Variants in PNLDC1 observed in about 807,000 individuals in gnomAD.
The protein encoded by PNLDC1 is PARN like ribonuclease domain containing exonuclease 1, also known as poly(A)-specific ribonuclease PNLDC1.
A neutral mutation model predicts 82.0 loss-of-function variants in PNLDC1; 70 were observed. That is an observed-to-expected ratio of 0.85 (90% CI 0.70 to 1.04). The LOEUF (loss-of-function observed/expected upper bound fraction) is 1.04, where lower values mean the gene tolerates loss of function less well. Ranked by LOEUF, PNLDC1 falls within the 50% of genes least tolerant of loss-of-function variation. The pLI, the probability that PNLDC1 is intolerant of heterozygous loss-of-function variation, is 0.00. For missense variants in PNLDC1, 631 were observed against 661.1 expected, an observed-to-expected ratio of 0.95 and a Z score of 0.50; for synonymous variants, 280 against 249.3, an observed-to-expected ratio of 1.12 and a Z score of -1.16.
At position 159,819,816 on chromosome 6, in the gene PNLDC1, G is replaced by A. The variant is rs1488463951; in HGVS notation, c.1532+464G>A. ...AGTCAGGAGGTGCCCGGAGTGTCAC[G>A]GGGAGAGGCCATTGTGAGCAAAACA... On this transcript the variant is annotated intron_variant, in intron 18 of 18. Coordinates refer to ENST00000392167, the MANE Select transcript of PNLDC1 (RefSeq NM_001271862.2). The surrounding 1 kb of genome is among the most constrained non-coding windows in gnomAD (Gnocchi z 4.6). 3.3e-5 allele frequency among the ~76,000 whole-genome samples: 5 copies of A among 149,846 alleles called. No homozygotes were observed. In the South Asian group the frequency reaches 6.2e-4, roughly 19 times the overall value.
intron 6 of PNLDC1, 103 bp downstream of exon 6, chr6:159,804,740 A>T (rs1285693451): frequency 1.3e-6 from 1 of 796,822 alleles, no homozygotes; most frequent in Non-Finnish European, 2.0e-6. Context: ...ACCTCCATCC[A>T]TGCTTGGCGG....
At chr6:159,810,149 A>G (rs886132082) in intron 10 of PNLDC1, 54 bp downstream of exon 10, 22 of 1,505,710 alleles carry the variant, frequency 1.5e-5, no homozygotes, top group African/African-American at 1.1e-4. Flanking sequence ...CATCTGGCAG[A>G]GGGATTGGTA....
chr6:159,803,188 A>T, intron 3 of PNLDC1, 83 bp from the exon 4 acceptor site: 1 of 1,314,442 alleles, frequency 7.6e-7, no homozygotes, highest in Non-Finnish European at 1.1e-6. Flanking sequence ...GGCGCAAAGT[A>T]CTGTTTGAGT....
intron 8 of PNLDC1, 91 bp from the exon 9 acceptor site, chr6:159,808,924 C>G: frequency 1.3e-6 from 2 of 1,586,734 alleles, no homozygotes; most frequent in Non-Finnish European, 1.7e-6. Flanking sequence ...CTAGTTTTTC[C>G]CCCTTTCCTT....
chr6:159,819,026 G>A lies in PNLDC1; in HGVS notation c.1338G>A (p.Glu446=), dbSNP rs539717754. 1.4e-5 allele frequency: 22 copies of A among 1,614,044 alleles called. No homozygotes were observed. In the South Asian group the frequency reaches 2.2e-4, roughly 16 times the overall value. The part of the protein sequence containing the change: ...LSVKRWPGVS[E]QQVYHKFQNL... ...TCAAAAGGTGGCCTGGGGTCAGCGA[G>A]CAGCAAGTCTACCATAAGTTTCAGA... Residue 446 remains glutamate, a synonymous_variant, in exon 17 of 19, where the codon GAG becomes GAA. Transcript: ENST00000392167. This position sits in a 1 kb window ranked among gnomAD's most constrained non-coding sequence, Gnocchi z 4.6.
intron 7 of PNLDC1, among the ~76,000 whole-genome samples, chr6:159,808,249 A>G (rs746822321): frequency 2.0e-5 from 3 of 152,238 alleles, no homozygotes; most frequent in African/African-American, 4.8e-5. Context: ...AATGATCACA[A>G]CATATCAACA....
chr6:159,802,620 G>A (rs1214063168), intron 3 of PNLDC1, among the ~76,000 whole-genome samples: 2 of 152,146 alleles, frequency 1.3e-5, no homozygotes, highest in African/African-American at 4.8e-5. Flanking sequence ...TTGCTCTGTT[G>A]CCCAGGCTGG....
intron 7 of PNLDC1, among the ~76,000 whole-genome samples, chr6:159,807,245 GGTTT>G (rs1176493263): frequency 1.3e-5 from 2 of 152,110 alleles, no homozygotes; most frequent in African/African-American, 2.4e-5. Context: ...TAGACTTGAA[GGTTT>G]CACAATCATT....
Position 159,813,108 on chromosome 6 carries a change from G to T in PNLDC1, c.940-493G>T, listed in dbSNP as rs966295376. On this transcript the variant is annotated intron_variant, in intron 11 of 18. Transcript: ENST00000392167. The stretch of plus-strand genomic sequence containing the variant: ...AGCCTTAGAGTGATCCCTTACAAGT[G>T]AATTATCCAGCAAGGATGCCGCACA... 2.0e-5 allele frequency among the ~76,000 whole-genome samples: 3 copies of T among 152,206 alleles called. No homozygotes were observed. The East Asian group carries it at 5.8e-4, about 29-fold the overall frequency.
chr6:159,800,430 C>T, intron 1 of PNLDC1, 47 bp downstream of exon 1: 1 of 1,529,764 alleles, frequency 6.5e-7, no homozygotes, highest in Non-Finnish European at 8.8e-7. Flanking sequence ...GCCCCTTGCC[C>T]CGGGCGAGCT....
At chr6:159,806,169 T>G in intron 7 of PNLDC1, 86 bp downstream of exon 7, 1 of 1,041,824 alleles carries the variant, frequency 9.6e-7, no homozygotes, top group South Asian at 1.3e-5. Context: ...ACACCCTTTC[T>G]TGGGATCCTG....
intron 12 of PNLDC1, among the ~76,000 whole-genome samples, chr6:159,815,272 C>T (rs116832191): frequency 0.014 from 2,178 of 152,328 alleles, 59 homozygotes; most frequent in African/African-American, 0.05. Context: ...GCCTTGTGGC[C>T]TGCCCTCTTC....
In PNLDC1 at chr6:159,818,993, C is replaced by A. The variant is rs372971755; in HGVS notation, c.1305C>A (p.Ile435=). Residue 435 remains isoleucine (I), a synonymous_variant, in exon 17 of 19, where the codon ATC becomes ATA. Coordinates refer to ENST00000392167, the MANE Select transcript of PNLDC1 (RefSeq NM_001271862.2). ...CCAGTATCCGACCTCCCATCCTCAT[C>A]CTCAGCGTCAAAAGGTGGCCTGGGG... is the stretch of plus-strand genomic sequence containing the variant. ...DYPSIRPPIL[I]LSVKRWPGVS... 4.9e-5 allele frequency: 79 copies of A among 1,614,086 alleles called. No individual in the cohort carries two copies. The highest frequency in any genetic ancestry group is 1.8e-4 in the Admixed American group (11 of 60,012).
rs1402865042 is a variant in PNLDC1 at position 159,800,390 on chromosome 6, A to G, written c.76+7A>G. The G allele has an allele frequency of 1.3e-6, 2 of 1,547,576 alleles. No homozygotes were observed. The highest frequency in any genetic ancestry group is 1.7e-6 in the Non-Finnish European group (2 of 1,146,096). ...CAGGAGGCCGACTTCGTGGGTGAAG[A>G]GCCTGGGATTCGCGGCTGTGCCGGA... On this transcript the variant is annotated splice_region_variant and intron_variant, in intron 1 of 18. Coordinates refer to ENST00000392167, the MANE Select transcript of PNLDC1 (RefSeq NM_001271862.2).
At chr6:159,816,117 C>CCCACACCCCTCCCCACCCACCGG in intron 13 of PNLDC1, 84 bp downstream of exon 13, 1 of 1,028,542 alleles carries the variant, frequency 9.7e-7, no homozygotes, top group African/African-American at 1.9e-5. Context: ...CCCTGGTTCC[C>CCCACACCCCTCCCCACCCACCGG]CCACACCCCT....
At position 159,819,403 on chromosome 6, in the gene PNLDC1, G is replaced by A. The variant is rs146576463; in HGVS notation, c.1532+51G>A. On this transcript the variant is annotated intron_variant, in intron 18 of 18. Transcript: ENST00000392167. The surrounding 1 kb of genome is among the most constrained non-coding windows in gnomAD (Gnocchi z 4.6). ...CCTGTCCTGGGGTCCTGGAGTGCCC[G>A]GGGTCCCAGCATCCCAGCATGGTCT... 231 of 1,512,670 alleles carry A rather than the reference G, an allele frequency of 1.5e-4. 1 individual carries two copies. In the East Asian group the frequency reaches 3.4e-3, roughly 22 times the overall value. 93.7% of individuals were successfully genotyped at this position (1,512,670 alleles called of 1,614,324 possible). A position where few individuals can be genotyped will look rare whatever the true frequency, so the allele number is the denominator to read the frequency against.
chr6:159,800,279 G>C lies in PNLDC1; in HGVS notation c.-29G>C. The C allele has an allele frequency of 2.0e-6, 3 of 1,538,410 alleles. No individual in the cohort carries two copies. The highest frequency in any genetic ancestry group is 1.8e-6 in the Non-Finnish European group (2 of 1,139,232). ...CAGCACGTGGGCAGCACGTGATAGC[G>C]CTGGGCGACTCCGCGGAGCTGCACG... On this transcript the variant is annotated 5_prime_UTR_variant, in exon 1 of 19. Transcript: ENST00000392167.
rs904583229 is a variant in PNLDC1 at position 159,800,790 on chromosome 6, C to A, written c.95C>A (p.Thr32Lys). The part of the protein sequence containing the change: ...ADFVGLDIEF[T>K]GLRSNLSGPQ... The stretch of plus-strand genomic sequence containing the variant: ...CTGGCAGGTCTGGACATAGAGTTCA[C>A]GGGCCTTCGTTCTAACCTGTCTGGG... Residue 32 changes from threonine to lysine, a missense_variant, in exon 2 of 19, where the codon ACG becomes AAG. Coordinates refer to ENST00000392167, the MANE Select transcript of PNLDC1 (RefSeq NM_001271862.2). The A allele has an allele frequency of 6.2e-7, 1 of 1,614,198 alleles. No individual in the cohort carries two copies. Among genetic ancestry groups the A allele is most frequent in the Non-Finnish European group, 8.5e-7 (1 of 1,180,028 alleles).
chr6:159,800,261 TG>T (rs1319943465), upstream of PNLDC1: 35 of 1,513,098 alleles, frequency 2.3e-5, no homozygotes, highest in Non-Finnish European at 3.1e-5. Context: ...GGGCAGCACG[TG>T]GGCAGCACGT....
Sources: gnomAD v4.1 joint callset for allele counts (sites outside exome capture counted in the v4.1 genomes callset) on GRCh38, gnomAD v4.1.1 for gene constraint, Gnocchi (gnomAD v3.1) non-coding constraint, MANE v1.5 for transcripts, NCBI Gene and HGNC (gene_info 2026-07-23, HGNC 2026-07-21) for gene names.